The following KCNQ2 variants were observed in gnomAD, a reference collection of about 807,000 sequenced individuals.
The protein encoded by KCNQ2 is potassium voltage-gated channel subfamily KQT member 2.
In KCNQ2, 14 loss-of-function variants were observed where a neutral mutation model predicts 84.8. The observed-to-expected ratio is 0.17, with a 90% confidence interval of 0.11 to 0.26. The LOEUF is 0.26. Among genes scored for constraint, KCNQ2 ranks in the 10% least tolerant of loss-of-function variants. The pLI, the probability that KCNQ2 is intolerant of heterozygous loss-of-function variation, is 1.00. For missense variants in KCNQ2, 788 were observed against 1,254.0 expected, an observed-to-expected ratio of 0.63 and a Z score of 5.61; for synonymous variants, 599 against 554.1, an observed-to-expected ratio of 1.08 and a Z score of -1.14.
rs1417804228 is a variant in KCNQ2 at position 63,408,100 on chromosome 20, C to T, written c.1887+313G>A. 2.5e-6 allele frequency: 1 copy of T among 398,522 alleles called. No individual in the cohort carries two copies. Among genetic ancestry groups the T allele is most frequent in the East Asian group, 5.4e-5 (1 of 18,544 alleles). 24.7% of individuals were successfully genotyped at this position (398,522 alleles called of 1,614,324 possible). ...GAGGACAGAGAGGAGGAAGGCCAGG[C>T]AGGTACAACTTCCGGCACGTTCCAC... is the stretch of plus-strand genomic sequence containing the variant. On this transcript the variant is annotated intron_variant, in intron 16 of 16. Transcript: ENST00000359125. The surrounding 1 kb of genome is among the most constrained non-coding windows in gnomAD (Gnocchi z 5.0).
rs1254481240 is a variant in KCNQ2, at chr20:63,446,993, A to G, written c.297-156T>C. Among the ~76,000 whole-genome samples the G allele has an allele frequency of 8.6e-6, 1 of 116,584 alleles. No homozygotes were observed. The highest frequency in any genetic ancestry group is 3.3e-5 in the African/African-American group (1 of 30,330). The allele number at this position is 116,584 out of a possible 152,430, so 76.5% of individuals were successfully genotyped here. ...CAGGACCCCACTCCCCACCCACCCC[A>G]CCAGAGCTCGCTCGGGCCAGAGGGC... is the stretch of plus-strand genomic sequence containing the variant. On this transcript the variant is annotated intron_variant, in intron 1 of 16. Coordinates refer to ENST00000359125, the MANE Select transcript of KCNQ2 (RefSeq NM_172107.4). This position sits in a 1 kb window ranked among gnomAD's most constrained non-coding sequence, Gnocchi z 5.5.
chr20:63,410,908 A>G, intron 15 of KCNQ2: 4 of 420,394 alleles, frequency 9.5e-6, no homozygotes, highest in Non-Finnish European at 1.9e-5. Flanking sequence ...CAGGGGCTCT[A>G]CCCTCCCTCA....
chr20:63,469,318 C>T (rs2082153532), intron 1 of KCNQ2, among the ~76,000 whole-genome samples: 1 of 152,250 alleles, frequency 6.6e-6, no homozygotes, highest in Admixed American at 6.5e-5. Flanking sequence ...AGGTCTGACG[C>T]CCTTCTAACT....
chr20:63,443,529 C>CCAT (rs2081325707), intron 4 of KCNQ2: 1 of 108,562 alleles, frequency 9.2e-6, no homozygotes, highest in African/African-American at 4.0e-5. Context: ...ATCACCATCA[C>CCAT]CACCACCACC....
At chr20:63,463,887 G>C (rs1287178558) in intron 1 of KCNQ2, 1 of 151,870 alleles carries the variant, frequency 6.6e-6, no homozygotes, top group Non-Finnish European at 1.5e-5. Context: ...CCTGCAGGCT[G>C]GGCAGCCTGG....
intron 5 of KCNQ2, among the ~76,000 whole-genome samples, chr20:63,440,827 G>A (rs980660988): frequency 2.0e-5 from 3 of 152,092 alleles, no homozygotes; most frequent in Non-Finnish European, 4.4e-5. Flanking sequence ...GAGCGCACAG[G>A]AGACTCTGGG....
intron 9 of KCNQ2, among the ~76,000 whole-genome samples, chr20:63,429,738 C>T (rs1265009250): frequency 1.3e-5 from 2 of 152,224 alleles, no homozygotes; most frequent in Admixed American, 6.5e-5. Flanking sequence ...ACTCCCACTT[C>T]GTCCAGCCAC....
chr20:63,423,884 G>A, intron 11 of KCNQ2: 1 of 521,516 alleles, frequency 1.9e-6, no homozygotes, highest in Non-Finnish European at 3.5e-6. Context: ...AGAACCCTGG[G>A]GCCAGACTTG....
intron 5 of KCNQ2, 57 bp from the exon 6 acceptor site, chr20:63,439,765 G>A: frequency 7.5e-7 from 1 of 1,338,520 alleles, no homozygotes. Flanking sequence ...CTGAGGGCAG[G>A]CTGGACGCCC....
intron 4 of KCNQ2, among the ~76,000 whole-genome samples, chr20:63,442,992 TCACCATCAC>T (rs2081261088): frequency 4.1e-5 from 1 of 24,564 alleles, no homozygotes; most frequent in Admixed American, 4.3e-4. Context: ...ACCATTACCA[TCACCATCAC>T]CACCATCACC....
intron 12 of KCNQ2, among the ~76,000 whole-genome samples, chr20:63,416,986 A>G (rs1169152703): frequency 6.6e-6 from 1 of 152,148 alleles, no homozygotes; most frequent in African/African-American, 2.4e-5. Flanking sequence ...CGCTCGGGGA[A>G]GCAGAGACGG....
chr20:63,465,234 C>CA (rs1245517269), intron 1 of KCNQ2, among the ~76,000 whole-genome samples: 2 of 152,240 alleles, frequency 1.3e-5, no homozygotes, highest in Non-Finnish European at 2.9e-5. Context: ...CTTCAGAAAA[C>CA]AAAAAGTCTA....
chr20:63,413,636 G>A, intron 14 of KCNQ2, 55 bp from the exon 15 acceptor site: 2 of 1,607,132 alleles, frequency 1.2e-6, no homozygotes, highest in East Asian at 2.2e-5. Context: ...CCGGCCACAG[G>A]CACCAGGACC....
In KCNQ2 at chr20:63,414,757, T is replaced by C. The variant is rs1426523132; in HGVS notation, c.1525+146A>G. On this transcript the variant is annotated intron_variant, in intron 13 of 16. Coordinates refer to ENST00000359125, the MANE Select transcript of KCNQ2 (RefSeq NM_172107.4). The surrounding 1 kb of genome is among the most constrained non-coding windows in gnomAD (Gnocchi z 6.6). ...AATAGTTAATTTTAGGTTGCACAAGTCTCACCTCAATTTTAGAAAGGATAG... is the reference window on the plus strand; with the variant it reads ...AATAGTTAATTTTAGGTTGCACAAGCCTCACCTCAATTTTAGAAAGGATAG... 2 of 774,306 alleles carry C rather than the reference T, an allele frequency of 2.6e-6. No homozygotes were observed. Among genetic ancestry groups the C allele is most frequent in the African/African-American group, 3.5e-5 (2 of 57,704 alleles). 48.0% of individuals were successfully genotyped at this position (774,306 alleles called of 1,614,324 possible).
At chr20:63,453,725 G>A (rs1432971384) in intron 1 of KCNQ2, 3 of 152,336 alleles carry the variant, frequency 2.0e-5, no homozygotes, top group Admixed American at 6.6e-5. Flanking sequence ...GGGGCGGGGG[G>A]GCTACAGGAT....
At chr20:63,428,481 G>T (rs771480455) in intron 9 of KCNQ2, 46 bp from the exon 10 acceptor site, 4 of 1,476,316 alleles carry the variant, frequency 2.7e-6, no homozygotes, top group Non-Finnish European at 2.8e-6. Context: ...ACCCTCCCGA[G>T]TCCTGGGACA....
At chr20:63,458,094 C>A (rs899573566) in intron 1 of KCNQ2, among the ~76,000 whole-genome samples, 3 of 152,080 alleles carry the variant, frequency 2.0e-5, no homozygotes, top group African/African-American at 7.2e-5. Context: ...CCGCCCTCCC[C>A]GACCCCGCAA....
At chr20:63,442,134 G>A (rs1378714594) in intron 5 of KCNQ2, among the ~76,000 whole-genome samples, 5 of 151,938 alleles carry the variant, frequency 3.3e-5, no homozygotes, top group Non-Finnish European at 7.4e-5. Flanking sequence ...TCAGGAGGAA[G>A]GAAGATGCCC....
rs763968845 is a variant in KCNQ2, at chr20:63,415,085, C to T, written c.1343G>A (p.Arg448Gln). Residue 448 changes from arginine (R) to glutamine (Q), a missense_variant, in exon 13 of 17, where the codon CGA becomes CAA. By Grantham distance (43) the Arg-to-Gln change is conservative (BLOSUM62 1). Transcript: ENST00000359125. ...SLKDRVFSSP[R>Q]GVAAKGKGSP... ...CCCCTTCCCCTTGGCAGCCACGCCT[C>T]GGGGGCTGGAGAAGACACGATCTTT... 1.9e-6 allele frequency: 3 copies of T among 1,604,598 alleles called. No individual in the cohort carries two copies. Among genetic ancestry groups the T allele is most frequent in the African/African-American group, 1.3e-5 (1 of 75,030 alleles).
Sources: gnomAD v4.1 joint callset for allele counts (sites outside exome capture counted in the v4.1 genomes callset) on GRCh38, gnomAD v4.1.1 for gene constraint, Gnocchi (gnomAD v3.1) non-coding constraint, MANE v1.5 for transcripts, NCBI Gene and HGNC (gene_info 2026-07-23, HGNC 2026-07-21) for gene names.